Variants in KIAA1549L observed in about 807,000 individuals in gnomAD.
KIAA1549L encodes the protein KIAA1549 like.
A neutral mutation model predicts 160.7 loss-of-function variants in KIAA1549L; 88 were observed. That is an observed-to-expected ratio of 0.55 (90% CI 0.46 to 0.65). KIAA1549L has a LOEUF of 0.65. KIAA1549L is among the 30% of genes least tolerant of loss of function. The pLI is 0.00. For synonymous variants in KIAA1549L, 950 were observed against 976.7 expected (o/e 0.97, Z 0.51); for missense variants, 2,258 against 2,437.5 (o/e 0.93, Z 1.55).
At position 33,520,824 on chromosome 11, in the gene KIAA1549L, T is replaced by C. The variant is rs547765674; in HGVS notation, c.239-20978T>C. ...AAACTTTGCATCAAGGATTGAAGTT[T>C]GAACTGGCATTCAGAAACCTTGCAT... On this transcript the variant is annotated intron_variant, in intron 1 of 20. Transcript: ENST00000658780. Among the ~76,000 whole-genome samples, 17 of 152,222 alleles carry C rather than the reference T, an allele frequency of 1.1e-4. 2 individuals are homozygous for C. The South Asian group carries it at 3.3e-3, about 30-fold the overall frequency.
At chr11:33,611,781 A>G (rs753586339) in intron 15 of KIAA1549L, among the ~76,000 whole-genome samples, 2 of 152,210 alleles carry the variant, frequency 1.3e-5, no homozygotes, top group African/African-American at 2.4e-5. Context: ...AGGTGGGGCT[A>G]AATTTTATGA....
At chr11:33,537,789 C>G (rs1187824408) in intron 1 of KIAA1549L, among the ~76,000 whole-genome samples, 1 of 152,092 alleles carries the variant, frequency 6.6e-6, no homozygotes, top group Admixed American at 6.6e-5. Flanking sequence ...TAAACTGATA[C>G]CCCAGGGTCA....
chr11:33,625,828 C>T lies in KIAA1549L; in HGVS notation c.5409+7166C>T, dbSNP rs540674969. On this transcript the variant is annotated intron_variant, in intron 16 of 20. Coordinates refer to ENST00000658780, the MANE Select transcript of KIAA1549L (RefSeq NM_012194.3). Reference sequence around the variant, plus strand: ...CTTTTGGTGTTTTAGACATGAAGTCCTTGCCCATGTCTATGTCTTGAATGG... The same window carrying T: ...CTTTTGGTGTTTTAGACATGAAGTCTTTGCCCATGTCTATGTCTTGAATGG... Among the ~76,000 whole-genome samples the T allele has an allele frequency of 4.6e-5, 7 of 152,252 alleles. No homozygotes were observed. In the South Asian group the frequency reaches 1.5e-3, roughly 32 times the overall value.
At chr11:33,649,508 A>T (rs1333543409) in intron 17 of KIAA1549L, among the ~76,000 whole-genome samples, 2 of 71,612 alleles carry the variant, frequency 2.8e-5, no homozygotes, top group Admixed American at 1.6e-4. Context: ...TCTATTGTAA[A>T]AAAAAAAAAA....
At chr11:33,620,956 G>A (rs1260549568) in intron 16 of KIAA1549L, among the ~76,000 whole-genome samples, 1 of 152,160 alleles carries the variant, frequency 6.6e-6, no homozygotes, top group Non-Finnish European at 1.5e-5. Flanking sequence ...CATTAGCACA[G>A]CAGTGAGCCG....
At chr11:33,558,674 C>T (rs907992032) in intron 6 of KIAA1549L, among the ~76,000 whole-genome samples, 1 of 152,148 alleles carries the variant, frequency 6.6e-6, no homozygotes, top group African/African-American at 2.4e-5. Context: ...ACCCAGAAAG[C>T]TTCATTTTCC....
intron 10 of KIAA1549L, among the ~76,000 whole-genome samples, chr11:33,583,053 G>C (rs1039776804): frequency 4.6e-5 from 7 of 152,106 alleles, no homozygotes; most frequent in Non-Finnish European, 1.0e-4. Flanking sequence ...CTTCCTCTCA[G>C]TAGTAGTGAA....
At chr11:33,401,924 G>A (rs933192744) in intron 1 of KIAA1549L, among the ~76,000 whole-genome samples, 1 of 152,224 alleles carries the variant, frequency 6.6e-6, no homozygotes, top group Admixed American at 6.5e-5. Context: ...TGGCATGAGT[G>A]AGCCAAGCAC....
chr11:33,649,077 T>C (rs1285983917), intron 17 of KIAA1549L, among the ~76,000 whole-genome samples: 1 of 152,180 alleles, frequency 6.6e-6, no homozygotes, highest in African/African-American at 2.4e-5. Flanking sequence ...CAGCAGTAAA[T>C]GGCAGAACTG....
chr11:33,661,674 G>A (rs1331651200), intron 20 of KIAA1549L, among the ~76,000 whole-genome samples: 2 of 152,114 alleles, frequency 1.3e-5, no homozygotes, highest in Admixed American at 6.5e-5. Context: ...GACATCAGGA[G>A]TGAGAGACCA....
intron 8 of KIAA1549L, among the ~76,000 whole-genome samples, chr11:33,567,233 C>T (rs1855079731): frequency 6.6e-6 from 1 of 152,214 alleles, no homozygotes; most frequent in South Asian, 2.1e-4. Flanking sequence ...GTTCCCTTTA[C>T]CTTCCTCACA....
chr11:33,506,339 G>A (rs1853087739), intron 1 of KIAA1549L, among the ~76,000 whole-genome samples: 1 of 152,154 alleles, frequency 6.6e-6, no homozygotes, highest in African/African-American at 2.4e-5. Flanking sequence ...GCACATGCTG[G>A]GGCTGCAAGG....
At position 33,634,376 on chromosome 11, in the gene KIAA1549L, A is replaced by C. The variant is rs191926710; in HGVS notation, c.5410-11310A>C. Among the ~76,000 whole-genome samples the C allele has an allele frequency of 8.5e-5, 13 of 152,260 alleles. No individual in the cohort carries two copies. The East Asian group carries it at 2.3e-3, about 27-fold the overall frequency. On this transcript the variant is annotated intron_variant, in intron 16 of 20. Coordinates refer to ENST00000658780, the MANE Select transcript of KIAA1549L (RefSeq NM_012194.3). ...CTGCTCTGAATTGTGTCACACACCA[A>C]AGAGAGGACTGCATTCCTCCAAGGG...
chr11:33,402,472 G>A (rs1030725956), intron 1 of KIAA1549L, among the ~76,000 whole-genome samples: 2 of 151,964 alleles, frequency 1.3e-5, no homozygotes, highest in Non-Finnish European at 2.9e-5. Flanking sequence ...CTGTACTTTC[G>A]CCTAAGTCTG....
chr11:33,582,707 C>A (rs1554994616), intron 10 of KIAA1549L, among the ~76,000 whole-genome samples: 1 of 152,152 alleles, frequency 6.6e-6, no homozygotes, highest in Non-Finnish European at 1.5e-5. Context: ...CCCTGAGACA[C>A]CTACTGTTTT....
In KIAA1549L at chr11:33,604,283, G is replaced by A. The variant is rs115008229; in HGVS notation, c.4880-2358G>A. Among the ~76,000 whole-genome samples, 632 of 152,258 alleles carry A rather than the reference G, an allele frequency of 4.2e-3. 8 individuals are homozygous for A. The highest frequency in any genetic ancestry group is 0.014 in the African/African-American group (582 of 41,556). Reference sequence around the variant, plus strand: ...ATGTTGGCCTGAGCTGTCATCTAGAGTCTTAACTGGCAAAAACCAATAGAT... The same window carrying A: ...ATGTTGGCCTGAGCTGTCATCTAGAATCTTAACTGGCAAAAACCAATAGAT... On this transcript the variant is annotated intron_variant, in intron 13 of 20. Coordinates refer to ENST00000658780, the MANE Select transcript of KIAA1549L (RefSeq NM_012194.3).
chr11:33,423,405 T>C (rs914410892), intron 1 of KIAA1549L, among the ~76,000 whole-genome samples: 2 of 152,316 alleles, frequency 1.3e-5, no homozygotes, highest in East Asian at 1.9e-4. Flanking sequence ...AGTTTATAAA[T>C]GGATAACTGG....
At chr11:33,632,522 A>ATAT (rs1478506677) in intron 16 of KIAA1549L, among the ~76,000 whole-genome samples, 1 of 152,172 alleles carries the variant, frequency 6.6e-6, no homozygotes. Context: ...AAGGAGATGG[A>ATAT]TGCTGAGGCC....
At chr11:33,414,193 C>G (rs1324517366) in intron 1 of KIAA1549L, among the ~76,000 whole-genome samples, 1 of 152,166 alleles carries the variant, frequency 6.6e-6, no homozygotes, top group African/African-American at 2.4e-5. Flanking sequence ...TTATGAAGAT[C>G]ATTATAAATC....
Sources: gnomAD v4.1 joint callset for allele counts (sites outside exome capture counted in the v4.1 genomes callset) on GRCh38, gnomAD v4.1.1 for gene constraint, MANE v1.5 for transcripts, NCBI Gene and HGNC (gene_info 2026-07-23, HGNC 2026-07-21) for gene names.